The following ETV6 variants were observed in gnomAD, a reference collection of about 807,000 sequenced individuals.
The protein encoded by ETV6 is ETS variant transcription factor 6, also known as transcription factor ETV6.
A neutral mutation model predicts 51.1 loss-of-function variants in ETV6; 16 were observed. That is an observed-to-expected ratio of 0.31 (90% CI 0.21 to 0.48). ETV6 has a LOEUF of 0.48. ETV6 is among the 20% of genes least tolerant of loss of function. The pLI is 0.99. For synonymous variants in ETV6, 240 were observed against 224.1 expected, an observed-to-expected ratio of 1.07 and a Z score of -0.64; for missense variants, 458 against 594.8, an observed-to-expected ratio of 0.77 and a Z score of 2.39.
intron 5 of ETV6, among the ~76,000 whole-genome samples, chr12:11,882,547 C>T (rs1019697623): frequency 3.9e-5 from 6 of 152,192 alleles, no homozygotes; most frequent in Non-Finnish European, 7.3e-5. Flanking sequence ...CATAAGGCGG[C>T]GTAAGGGTCA....
chr12:11,880,060 A>T (rs568239501), intron 5 of ETV6, among the ~76,000 whole-genome samples: 7 of 152,058 alleles, frequency 4.6e-5, no homozygotes, highest in Non-Finnish European at 5.9e-5. Flanking sequence ...AAGGAAAAAA[A>T]ATCTATTGTG....
At chr12:11,664,234 G>A (rs1565477912) in intron 1 of ETV6, among the ~76,000 whole-genome samples, 1 of 152,236 alleles carries the variant, frequency 6.6e-6, no homozygotes, top group South Asian at 2.1e-4. Flanking sequence ...TGCTTCTGCT[G>A]TGTTAGCAGC....
chr12:11,853,704 T>TA, intron 4 of ETV6, 143 bp downstream of exon 4: 1 of 930,744 alleles, frequency 1.1e-6, no homozygotes, highest in Non-Finnish European at 1.6e-6. Context: ...ATGTACAAAA[T>TA]ACACTCTTGG....
chr12:11,655,831 A>G (rs1863989537), intron 1 of ETV6, among the ~76,000 whole-genome samples: 1 of 152,212 alleles, frequency 6.6e-6, no homozygotes, highest in South Asian at 2.1e-4. Context: ...GGACTCTCAG[A>G]TGAGCATAAC....
At chr12:11,743,131 G>A (rs929614238) in intron 1 of ETV6, among the ~76,000 whole-genome samples, 4 of 152,096 alleles carry the variant, frequency 2.6e-5, no homozygotes, top group South Asian at 2.1e-4. Flanking sequence ...AGATAATACC[G>A]TGTGACGACA....
chr12:11,866,749 T>C (rs1015672726), intron 4 of ETV6, among the ~76,000 whole-genome samples: 1 of 152,250 alleles, frequency 6.6e-6, no homozygotes, highest in African/African-American at 2.4e-5. Context: ...AGGTTTCCGC[T>C]TAGATCTTTT....
At chr12:11,888,198 A>T (rs1947228019) in intron 7 of ETV6, among the ~76,000 whole-genome samples, 2 of 152,140 alleles carry the variant, frequency 1.3e-5, no homozygotes, top group South Asian at 4.1e-4. Context: ...ACACTAATAC[A>T]GTTCCCTATG....
chr12:11,890,124 A>T (rs199747445), intron 7 of ETV6, among the ~76,000 whole-genome samples: 12 of 131,056 alleles, frequency 9.2e-5, no homozygotes, highest in African/African-American at 1.2e-4. Context: ...ATTGTAAAAG[A>T]TTTTTTTTTT....
At chr12:11,797,822 T>G (rs1241338419) in intron 2 of ETV6, among the ~76,000 whole-genome samples, 1 of 152,182 alleles carries the variant, frequency 6.6e-6, no homozygotes, top group East Asian at 1.9e-4. Flanking sequence ...TATGCACAAA[T>G]CTCTCATACC....
At chr12:11,794,469 T>C (rs565298206) in intron 2 of ETV6, among the ~76,000 whole-genome samples, 1 of 152,312 alleles carries the variant, frequency 6.6e-6, no homozygotes, top group East Asian at 1.9e-4. Context: ...AGAGATCTTA[T>C]TCTAACTAGA....
At chr12:11,664,037 T>C (rs758917633) in intron 1 of ETV6, among the ~76,000 whole-genome samples, 46 of 152,332 alleles carry the variant, frequency 3.0e-4, no homozygotes, top group Non-Finnish European at 4.1e-4. Flanking sequence ...AATAGGTAAA[T>C]CACCTCCCCA....
chr12:11,734,090 C>A (rs1463611364), intron 1 of ETV6, among the ~76,000 whole-genome samples: 3 of 152,166 alleles, frequency 2.0e-5, no homozygotes, highest in Non-Finnish European at 4.4e-5. Context: ...ACTTCTATTG[C>A]AGCATCTTTA....
chr12:11,782,431 T>C lies in ETV6; in HGVS notation c.163+29852T>C, dbSNP rs188054517. ...ACCTGGAAAGACAGCTGAAACGTTA[T>C]CTGAAATGTGAAATGTTAAACATTT... On this transcript the variant is annotated intron_variant, in intron 2 of 7. Transcript: ENST00000396373. Among the ~76,000 whole-genome samples the C allele has an allele frequency of 9.2e-5, 14 of 152,356 alleles. No homozygotes were observed. The East Asian group carries it at 2.7e-3, about 29-fold the overall frequency.
chr12:11,836,255 T>C (rs1946313714), intron 2 of ETV6, among the ~76,000 whole-genome samples: 2 of 152,232 alleles, frequency 1.3e-5, no homozygotes, highest in African/African-American at 2.4e-5. Context: ...GACTTGACTT[T>C]GAACACCAAA....
chr12:11,745,844 C>T (rs1565509053), intron 1 of ETV6, among the ~76,000 whole-genome samples: 1 of 152,130 alleles, frequency 6.6e-6, no homozygotes, highest in Non-Finnish European at 1.5e-5. Context: ...CAAAAATGCC[C>T]AGTGAGATTT....
chr12:11,845,554 A>C (rs553084733), intron 3 of ETV6, among the ~76,000 whole-genome samples: 24 of 152,356 alleles, frequency 1.6e-4, no homozygotes, highest in African/African-American at 5.8e-4. Flanking sequence ...GTCTCTGTGT[A>C]TAAGACATAA....
intron 2 of ETV6, among the ~76,000 whole-genome samples, chr12:11,778,473 C>T (rs928904448): frequency 2.0e-5 from 3 of 152,148 alleles, no homozygotes; most frequent in African/African-American, 7.2e-5. Flanking sequence ...ATCTGAGATT[C>T]CTGGGGCTGG....
Position 11,891,351 on chromosome 12 carries a change from C to T in ETV6, c.*305C>T. ...CTCACCCTTCCACCGTTGTTAGTAT[C>T]ATGGTGTTTTTGTTTTTGTTTTTGT... On this transcript the variant is annotated 3_prime_UTR_variant, in exon 8 of 8. Transcript: ENST00000396373. 2.7e-6 allele frequency: 1 copy of T among 364,786 alleles called. No homozygotes were observed. The highest frequency in any genetic ancestry group is 5.0e-6 in the Non-Finnish European group (1 of 199,930). The allele number at this position is 364,786 out of a possible 1,614,324, so 22.6% of individuals were successfully genotyped here.
At chr12:11,698,208 G>C (rs192557373) in intron 1 of ETV6, among the ~76,000 whole-genome samples, 1 of 152,174 alleles carries the variant, frequency 6.6e-6, no homozygotes, top group Non-Finnish European at 1.5e-5. Context: ...ATAGAAATAC[G>C]TGTGTATTTT....
Sources: gnomAD v4.1 joint callset for allele counts (sites outside exome capture counted in the v4.1 genomes callset) on GRCh38, gnomAD v4.1.1 for gene constraint, MANE v1.5 for transcripts, NCBI Gene and HGNC (gene_info 2026-07-23, HGNC 2026-07-21) for gene names.